Variants in KCNQ5 observed in about 807,000 individuals in gnomAD.
The protein encoded by KCNQ5 is potassium voltage-gated channel subfamily KQT member 5.
KCNQ5 carries 30 observed loss-of-function variants against 98.2 expected under a neutral mutation model. The observed-to-expected ratio is 0.31, with a 90% CI of 0.23 to 0.41. The LOEUF is 0.41. KCNQ5 is among the 10% of genes least tolerant of loss of function. KCNQ5 has a pLI of 1.00. For synonymous variants in KCNQ5, 458 were observed against 449.4 expected, an observed-to-expected ratio of 1.02 and a Z score of -0.24; for missense variants, 835 against 1,182.5, an observed-to-expected ratio of 0.71 and a Z score of 4.31.
intron 10 of KCNQ5, among the ~76,000 whole-genome samples, chr6:73,158,314 C>T (rs1777464679): frequency 6.8e-6 from 1 of 146,632 alleles, no homozygotes; most frequent in Non-Finnish European, 1.5e-5. Flanking sequence ...TGTCGCCAGG[C>T]TGGGGTGCAA....
At chr6:72,977,794 A>C (rs1234926885) in intron 1 of KCNQ5, among the ~76,000 whole-genome samples, 1 of 152,152 alleles carries the variant, frequency 6.6e-6, no homozygotes, top group Non-Finnish European at 1.5e-5. Flanking sequence ...TATGCATTTT[A>C]TGTAATAATA....
chr6:72,767,304 G>A (rs547709774), intron 1 of KCNQ5, among the ~76,000 whole-genome samples: 193 of 152,058 alleles, frequency 1.3e-3, no homozygotes, highest in African/African-American at 4.3e-3. Flanking sequence ...AATGAAATTG[G>A]ACCCTTACCT....
chr6:72,910,563 G>GTGT (rs1562062145), intron 1 of KCNQ5, among the ~76,000 whole-genome samples: 1,060 of 43,050 alleles, frequency 0.025, 9 homozygotes, highest in Middle Eastern at 0.06. Flanking sequence ...AAGGTAGGGG[G>GTGT]GTGTGTGTGT....
At chr6:72,633,148 T>C (rs2098921998) in intron 1 of KCNQ5, among the ~76,000 whole-genome samples, 2 of 152,202 alleles carry the variant, frequency 1.3e-5, no homozygotes. Flanking sequence ...TGGTATCTCA[T>C]TGTGGTTTTG....
intron 2 of KCNQ5, among the ~76,000 whole-genome samples, chr6:73,034,583 T>C (rs1017608859): frequency 3.9e-5 from 6 of 152,214 alleles, no homozygotes; most frequent in African/African-American, 1.2e-4. Flanking sequence ...CTTTTAAGCA[T>C]TGTGAATTTG....
chr6:72,899,754 A>C (rs1779405742), intron 1 of KCNQ5, among the ~76,000 whole-genome samples: 1 of 151,976 alleles, frequency 6.6e-6, no homozygotes, highest in Non-Finnish European at 1.5e-5. Context: ...CCATCACCAG[A>C]GCAGTATACA....
At chr6:72,669,645 C>A (rs1191067656) in intron 1 of KCNQ5, among the ~76,000 whole-genome samples, 1 of 152,158 alleles carries the variant, frequency 6.6e-6, no homozygotes, top group Non-Finnish European at 1.5e-5. Flanking sequence ...TCTTTGAAGA[C>A]TAGTTCGTGT....
At chr6:73,017,858 A>T (rs1391560872) in intron 2 of KCNQ5, among the ~76,000 whole-genome samples, 1 of 152,092 alleles carries the variant, frequency 6.6e-6, no homozygotes, top group East Asian at 1.9e-4. Flanking sequence ...GAGTCTTAAC[A>T]AAGAAATGGA....
chr6:72,748,201 T>G (rs139833785), intron 1 of KCNQ5, among the ~76,000 whole-genome samples: 206 of 152,176 alleles, frequency 1.4e-3, no homozygotes, highest in African/African-American at 4.3e-3. Context: ...TTGTTTGTTT[T>G]TTTAATTCCA....
At chr6:73,154,435 T>C (rs1182247058) in intron 10 of KCNQ5, among the ~76,000 whole-genome samples, 1 of 152,208 alleles carries the variant, frequency 6.6e-6, no homozygotes, top group Non-Finnish European at 1.5e-5. Flanking sequence ...GAAGTAATGC[T>C]ATCTTGCTGT....
intron 1 of KCNQ5, among the ~76,000 whole-genome samples, chr6:72,900,035 A>G (rs1266152350): frequency 6.6e-6 from 1 of 151,916 alleles, no homozygotes; most frequent in Non-Finnish European, 1.5e-5. Context: ...ATGGGGTTTC[A>G]CCATGTTGGT....
chr6:72,967,734 T>C (rs1767688048), intron 1 of KCNQ5: 1 of 154,808 alleles, frequency 6.5e-6, no homozygotes, highest in Non-Finnish European at 1.5e-5. Flanking sequence ...CATACTAAAA[T>C]CTTCCCCTGG....
At chr6:73,024,812 G>T (rs1582210852) in intron 2 of KCNQ5, among the ~76,000 whole-genome samples, 1 of 152,328 alleles carries the variant, frequency 6.6e-6, no homozygotes. Context: ...CATTCAAGTT[G>T]TATGAATCAG....
chr6:72,941,395 CT>C (rs1766250412), intron 1 of KCNQ5, among the ~76,000 whole-genome samples: 1 of 92,482 alleles, frequency 1.1e-5, no homozygotes, highest in East Asian at 3.1e-4. Flanking sequence ...TTCCTTCCTC[CT>C]TTCCTCCTTC....
intron 12 of KCNQ5, 92 bp from the exon 13 acceptor site, chr6:73,192,473 G>T: frequency 9.0e-7 from 1 of 1,113,292 alleles, no homozygotes; most frequent in Non-Finnish European, 1.2e-6. Context: ...GAAGATAACT[G>T]TATTTAATTT....
chr6:72,813,101 A>G (rs1353271451), intron 1 of KCNQ5, among the ~76,000 whole-genome samples: 7 of 152,144 alleles, frequency 4.6e-5, no homozygotes. Flanking sequence ...AATGCTGTTT[A>G]TTCACTCATA....
intron 1 of KCNQ5, among the ~76,000 whole-genome samples, chr6:72,962,073 G>C (rs1042917743): frequency 1.3e-5 from 2 of 151,456 alleles, no homozygotes; most frequent in African/African-American, 4.9e-5. Context: ...AGCTACTTGG[G>C]AGACTGAGGC....
intron 1 of KCNQ5, among the ~76,000 whole-genome samples, chr6:72,983,053 T>G (rs904970125): frequency 5.3e-5 from 8 of 152,268 alleles, no homozygotes; most frequent in African/African-American, 1.7e-4. Context: ...GTTAGTCTGA[T>G]GGGCTTCCCT....
At chr6:73,028,567 A>G (rs1423163559) in intron 2 of KCNQ5, among the ~76,000 whole-genome samples, 1 of 152,198 alleles carries the variant, frequency 6.6e-6, no homozygotes, top group Non-Finnish European at 1.5e-5. Context: ...CAAAAGGTCA[A>G]CTTGACACCG....
Sources: gnomAD v4.1 joint callset for allele counts (sites outside exome capture counted in the v4.1 genomes callset) on GRCh38, gnomAD v4.1.1 for gene constraint, MANE v1.5 for transcripts, NCBI Gene and HGNC (gene_info 2026-07-23, HGNC 2026-07-21) for gene names.